Variants in PACRG observed in about 807,000 individuals in gnomAD.
PACRG encodes parkin coregulated gene protein.
A neutral mutation model predicts 29.7 loss-of-function variants in PACRG; 29 were observed. That is an observed-to-expected ratio of 0.98 (90% CI 0.73 to 1.33). The LOEUF is 1.33. Among genes scored for constraint, PACRG ranks in the 40% most tolerant of loss-of-function variants. The pLI, the probability that PACRG is intolerant of heterozygous loss-of-function variation, is 0.00. For synonymous variants in PACRG, 116 were observed against 118.7 expected, an observed-to-expected ratio of 0.98 and a Z score of 0.15; for missense variants, 279 against 316.2, an observed-to-expected ratio of 0.88 and a Z score of 0.89.
intron 4 of PACRG, among the ~76,000 whole-genome samples, chr6:163,304,875 A>G (rs887569207): frequency 6.6e-5 from 10 of 152,206 alleles, no homozygotes; most frequent in African/African-American, 2.2e-4. Flanking sequence ...CCATTATAGA[A>G]CATGGAGACA....
At chr6:163,254,634 G>C (rs1783039014) in intron 4 of PACRG, among the ~76,000 whole-genome samples, 1 of 152,192 alleles carries the variant, frequency 6.6e-6, no homozygotes, top group Non-Finnish European at 1.5e-5. Flanking sequence ...AGGGTTCCAA[G>C]TAAGCCATGT....
Position 162,934,609 on chromosome 6 carries a change from G to A in PACRG, c.291+120328G>A, listed in dbSNP as rs577004205. On this transcript the variant is annotated intron_variant, in intron 2 of 4. Coordinates refer to ENST00000366888, the MANE Select transcript of PACRG (RefSeq NM_001080379.2). ...ACCCTTTACATTCAAAGTTGTTATT[G>A]TATTCATTTTGCTAATTGTTTTCTG... Among the ~76,000 whole-genome samples the A allele has an allele frequency of 7.2e-5, 11 of 152,198 alleles. No individual in the cohort carries two copies. In the East Asian group the frequency reaches 9.7e-4, roughly 13 times the overall value.
chr6:163,158,455 C>A (rs1460496205), intron 4 of PACRG, among the ~76,000 whole-genome samples: 1 of 152,014 alleles, frequency 6.6e-6, no homozygotes, highest in Non-Finnish European at 1.5e-5. Context: ...TCAAAGCTTC[C>A]ATTTTTATGC....
intron 4 of PACRG, among the ~76,000 whole-genome samples, chr6:163,294,735 T>C (rs1490529892): frequency 6.6e-6 from 1 of 152,230 alleles, no homozygotes; most frequent in Admixed American, 6.5e-5. Flanking sequence ...AGATGGATGA[T>C]AGATTAGCTA....
intron 2 of PACRG, among the ~76,000 whole-genome samples, chr6:163,030,311 T>C (rs1807541435): frequency 6.6e-6 from 1 of 152,158 alleles, no homozygotes; most frequent in Non-Finnish European, 1.5e-5. Context: ...ATATGAGAAA[T>C]AGATTTCTCT....
chr6:163,175,595 C>T (rs1779307041), intron 4 of PACRG, among the ~76,000 whole-genome samples: 1 of 151,910 alleles, frequency 6.6e-6, no homozygotes, highest in African/African-American at 2.4e-5. Flanking sequence ...TGGTGAGCAG[C>T]TGCTGGGGTG....
chr6:163,135,569 A>C (rs540797308), intron 4 of PACRG, among the ~76,000 whole-genome samples: 3 of 152,348 alleles, frequency 2.0e-5, no homozygotes, highest in African/African-American at 7.2e-5. Flanking sequence ...GTCATTTTAA[A>C]TGTTTCTCCT....
At chr6:163,252,384 A>G (rs1782942546) in intron 4 of PACRG, among the ~76,000 whole-genome samples, 1 of 152,260 alleles carries the variant, frequency 6.6e-6, no homozygotes, top group African/African-American at 2.4e-5. Flanking sequence ...GGGCGACATC[A>G]TCGGGGAAAC....
At chr6:163,117,244 C>A (rs868634860) in intron 4 of PACRG, among the ~76,000 whole-genome samples, 7 of 152,178 alleles carry the variant, frequency 4.6e-5, no homozygotes, top group Non-Finnish European at 8.8e-5. Context: ...GAATGTGGAA[C>A]CCTTCTTGGT....
At chr6:162,855,795 C>T (rs1396284767) in intron 2 of PACRG, among the ~76,000 whole-genome samples, 1 of 152,144 alleles carries the variant, frequency 6.6e-6, no homozygotes, top group Non-Finnish European at 1.5e-5. Context: ...CTCCATAGGG[C>T]GTAGCAGTTC....
intron 4 of PACRG, among the ~76,000 whole-genome samples, chr6:163,095,703 C>G (rs1403495452): frequency 6.6e-6 from 1 of 152,098 alleles, no homozygotes; most frequent in African/African-American, 2.4e-5. Flanking sequence ...GTGCGTCTGT[C>G]TGTGTCTCTT....
chr6:163,184,976 T>C (rs1157375455), intron 4 of PACRG: 1 of 151,982 alleles, frequency 6.6e-6, no homozygotes, highest in Non-Finnish European at 1.5e-5. Context: ...CATGGAAGAT[T>C]TGTTTTGTTT....
intron 1 of PACRG, among the ~76,000 whole-genome samples, chr6:162,736,935 C>T (rs2128254280): frequency 6.6e-6 from 1 of 152,198 alleles, no homozygotes; most frequent in South Asian, 2.1e-4. Context: ...TTTACTTTGT[C>T]TTTCACTTAG....
Position 162,772,751 on chromosome 6 carries a change from G to T in PACRG, c.157-41396G>T, listed in dbSNP as rs975157985. On this transcript the variant is annotated intron_variant, in intron 1 of 4. Coordinates refer to ENST00000366888, the MANE Select transcript of PACRG (RefSeq NM_001080379.2). ...AAAGAGGCAGAGAGCTAGGACAAAA[G>T]TTACTAAGGAAAGGAACCAGGGGTA... Among the ~76,000 whole-genome samples the T allele has an allele frequency of 2.6e-5, 4 of 152,244 alleles. 1 individual carries two copies. The South Asian group carries it at 8.3e-4, about 32-fold the overall frequency.
intron 4 of PACRG, among the ~76,000 whole-genome samples, chr6:163,171,731 AGAG>A (rs1779096558): frequency 6.6e-6 from 1 of 152,200 alleles, no homozygotes; most frequent in Non-Finnish European, 1.5e-5. Context: ...AGGACTGAAA[AGAG>A]GAGAAGAAAC....
chr6:162,926,910 A>G (rs1797483044), intron 2 of PACRG, among the ~76,000 whole-genome samples: 2 of 152,186 alleles, frequency 1.3e-5, no homozygotes, highest in Admixed American at 1.3e-4. Flanking sequence ...TACCCATCTG[A>G]CAAAGGTCTA....
At chr6:163,248,348 G>A (rs1312610517) in intron 4 of PACRG, among the ~76,000 whole-genome samples, 2 of 151,046 alleles carry the variant, frequency 1.3e-5, no homozygotes, top group Non-Finnish European at 2.9e-5. Context: ...TTACTGAAAA[G>A]CTTATTGTGT....
chr6:163,142,755 G>A (rs1246315900), intron 4 of PACRG, among the ~76,000 whole-genome samples: 4 of 152,164 alleles, frequency 2.6e-5, no homozygotes, highest in Non-Finnish European at 5.9e-5. Context: ...TGTTCCCAGA[G>A]CCTTGCTATG....
At chr6:162,747,353 TA>T in intron 1 of PACRG, among the ~76,000 whole-genome samples, 1 of 74,798 alleles carries the variant, frequency 1.3e-5, no homozygotes, top group Middle Eastern at 6.2e-3. Flanking sequence ...TATATATATA[TA>T]TATATATATA....
Sources: allele counts gnomAD v4.1 joint callset (sites outside exome capture counted in the v4.1 genomes callset), GRCh38; gene constraint gnomAD v4.1.1; transcripts MANE v1.5; gene names NCBI Gene and HGNC (gene_info 2026-07-23, HGNC 2026-07-21).